The following CFAP97 variants were observed in gnomAD, a reference collection of about 807,000 sequenced individuals.
The protein encoded by CFAP97 is cilia- and flagella-associated protein 97.
In CFAP97, 36 loss-of-function variants were observed where a neutral mutation model predicts 43.1. The observed-to-expected ratio is 0.84, with a 90% confidence interval of 0.64 to 1.10. The LOEUF (loss-of-function observed/expected upper bound fraction) is 1.10. Among genes scored for constraint, CFAP97 ranks in the 50% least tolerant of loss-of-function variants. The pLI, the probability that CFAP97 is intolerant of heterozygous loss-of-function variation, is 0.00. For synonymous variants in CFAP97, 228 were observed against 225.7 expected, an observed-to-expected ratio of 1.01 and a Z score of -0.09; for missense variants, 657 against 620.3, an observed-to-expected ratio of 1.06 and a Z score of -0.63.
At chr4:185,189,095 G>A (rs1436430108) in intron 2 of CFAP97, among the ~76,000 whole-genome samples, 1 of 152,152 alleles carries the variant, frequency 6.6e-6, no homozygotes, top group African/African-American at 2.4e-5. Context: ...ATATTAGCCA[G>A]GTGTGGTGGG....
chr4:185,180,263 G>A (rs1400331461), intron 2 of CFAP97, among the ~76,000 whole-genome samples: 2 of 151,856 alleles, frequency 1.3e-5, no homozygotes, highest in African/African-American at 4.8e-5. Context: ...TTTTATTGTG[G>A]CAAAATACAC....
intron 2 of CFAP97, among the ~76,000 whole-genome samples, chr4:185,179,640 A>T (rs571030038): frequency 2.0e-5 from 3 of 152,286 alleles, no homozygotes; most frequent in Admixed American, 2.0e-4. Context: ...TACCAAGCCC[A>T]GGCACCTGAT....
rs774401336 is a variant in CFAP97, at chr4:185,190,550, A to T, written c.647T>A (p.Leu216His). 7 of 1,613,772 alleles carry T rather than the reference A, an allele frequency of 4.3e-6. No individual in the cohort carries two copies. ...TTTATACTTGTGTTTTGGTGACAGGAGGGTTATACCAGATACATGTTTCTT... is the reference window on the plus strand; with the variant it reads ...TTTATACTTGTGTTTTGGTGACAGGTGGGTTATACCAGATACATGTTTCTT... ...SSKKHVSGIT[L>H]LSPKHKYKSG... Residue 216 changes from leucine to histidine, a missense_variant, in exon 2 of 5, where the codon CTC becomes CAC. Transcript: ENST00000458385.
intron 1 of CFAP97, among the ~76,000 whole-genome samples, chr4:185,195,122 C>G (rs573746441): frequency 4.6e-5 from 7 of 152,088 alleles, no homozygotes; most frequent in African/African-American, 7.2e-5. Flanking sequence ...AATAAAATGT[C>G]GTGTAAGCAC....
upstream of CFAP97, among the ~76,000 whole-genome samples, chr4:185,208,430 TAAGA>T (rs1257282511): frequency 6.6e-6 from 1 of 152,044 alleles, no homozygotes. Flanking sequence ...TTAGAAGGTT[TAAGA>T]AAGAATGAAA....
intron 1 of CFAP97, among the ~76,000 whole-genome samples, chr4:185,191,734 G>C (rs1736266548): frequency 6.6e-6 from 1 of 152,138 alleles, no homozygotes; most frequent in East Asian, 1.9e-4. Flanking sequence ...GGAAGCTGAA[G>C]CAGGAGAATT....
chr4:185,197,648 G>A (rs1037064192), intron 1 of CFAP97, among the ~76,000 whole-genome samples: 1 of 152,128 alleles, frequency 6.6e-6, no homozygotes, highest in Non-Finnish European at 1.5e-5. Context: ...GGATGGTCTT[G>A]ATCTCCTGAC....
At position 185,162,043 on chromosome 4, in the gene CFAP97, C is replaced by T. The variant is rs1734891708; in HGVS notation, c.*755G>A. On this transcript the variant is annotated 3_prime_UTR_variant, in exon 5 of 5. Transcript: ENST00000458385. ...CTTAAACTATTCACGAGTTAGAAGA[C>T]TAGCTCTAAAACCTACCTCATTTCT... 1 of 152,184 alleles carries T rather than the reference C, an allele frequency of 6.6e-6. No individual in the cohort carries two copies. Among genetic ancestry groups the T allele is most frequent in the Non-Finnish European group, 1.5e-5 (1 of 68,030 alleles). The allele number at this position is 152,184 out of a possible 1,614,324, so 9.4% of individuals were successfully genotyped here. A position where few individuals can be genotyped will look rare whatever the true frequency, so the allele number is the denominator to read the frequency against.
intron 1 of CFAP97, among the ~76,000 whole-genome samples, chr4:185,201,321 G>A (rs1314066893): frequency 6.4e-5 from 3 of 46,858 alleles, no homozygotes; most frequent in Non-Finnish European, 1.1e-4. Flanking sequence ...GCAAGACTCC[G>A]CCTCAAAAAA....
rs1350579468 is a variant in CFAP97 at position 185,190,970 on chromosome 4, G to A, written c.227C>T (p.Pro76Leu). 1 of 1,613,632 alleles carries A rather than the reference G, an allele frequency of 6.2e-7. No individual in the cohort carries two copies. The highest frequency in any genetic ancestry group is 8.5e-7 in the Non-Finnish European group (1 of 1,179,772). The change falls in exon 2 of 5, where the codon CCC becomes CTC. Residue 76 changes from proline to leucine, a missense_variant. By Grantham distance (98) the Pro-to-Leu change is moderately conservative. Coordinates refer to ENST00000458385, the MANE Select transcript of CFAP97 (RefSeq NM_020827.3). ...ATCATTCTCTACGGGGTGTTCTGGG[G>A]GAAATTTCACGTTTCTTTCATTTCC... ...EKGNERNVKF[P>L]PEHPVENDVT... is the part of the protein sequence containing the mutation.
chr4:185,206,894 A>C (rs1001983383), upstream of CFAP97, among the ~76,000 whole-genome samples: 4 of 152,164 alleles, frequency 2.6e-5, no homozygotes, highest in Non-Finnish European at 5.9e-5. Context: ...ATAGGATGGC[A>C]TAACTCTGAG....
chr4:185,164,430 C>A (rs905147527), intron 3 of CFAP97, among the ~76,000 whole-genome samples: 1 of 152,154 alleles, frequency 6.6e-6, no homozygotes, highest in Non-Finnish European at 1.5e-5. Flanking sequence ...TCTCGACATA[C>A]CATGTGAAAA....
chr4:185,197,708 G>T (rs1467927687), intron 1 of CFAP97, among the ~76,000 whole-genome samples: 1 of 152,146 alleles, frequency 6.6e-6, no homozygotes, highest in African/African-American at 2.4e-5. Flanking sequence ...TTACAGGTGT[G>T]AGCCACCGCG....
Position 185,164,149 on chromosome 4 carries a change from G to C in CFAP97, c.1351C>G (p.Pro451Ala), listed in dbSNP as rs1734979754. ...ALLKRLEAVK[P>A]TVGMKRSEQL... ...TCTGAACGTTTCATACCAACTGTTG[G>C]TTTCACGGCCTCAAGCCTTTTCAAT... Residue 451 changes from proline to alanine, a missense_variant, in exon 4 of 5, where the codon CCA becomes GCA. Physicochemically the swap from Pro to Ala is conservative, Grantham distance 27. Transcript: ENST00000458385. 1 of 1,613,928 alleles carries C rather than the reference G, an allele frequency of 6.2e-7. No individual in the cohort carries two copies. Among genetic ancestry groups the C allele is most frequent in the Non-Finnish European group, 8.5e-7 (1 of 1,179,864 alleles).
At chr4:185,192,758 T>TTTA (rs376440116) in intron 1 of CFAP97, among the ~76,000 whole-genome samples, 10 of 128,232 alleles carry the variant, frequency 7.8e-5, no homozygotes, top group East Asian at 2.3e-4. Flanking sequence ...TTTTTTTTTT[T>TTTA]GAGACGGAGT....
intron 2 of CFAP97, among the ~76,000 whole-genome samples, chr4:185,180,988 AT>A (rs1295536473): frequency 2.0e-5 from 3 of 152,138 alleles, no homozygotes; most frequent in Non-Finnish European, 4.4e-5. Flanking sequence ...TAATAAACCA[AT>A]TATATGTGAA....
At chr4:185,168,295 A>C (rs953266138) in intron 3 of CFAP97, among the ~76,000 whole-genome samples, 2 of 7,954 alleles carry the variant, frequency 2.5e-4, no homozygotes, top group Non-Finnish European at 6.8e-4. Context: ...GAGTTTGCCC[A>C]CTTTTTTTTT....
At chr4:185,163,626 G>A (rs1392630029) in intron 4 of CFAP97, among the ~76,000 whole-genome samples, 1 of 151,692 alleles carries the variant, frequency 6.6e-6, no homozygotes, top group Non-Finnish European at 1.5e-5. Context: ...GCTAATTTTT[G>A]TTTTAGTTAT....
rs1250063006 is a variant in CFAP97 at position 185,200,484 on chromosome 4, A to C, written c.-17+3414T>G. On this transcript the variant is annotated intron_variant, in intron 1 of 4. Transcript: ENST00000458385. ...GTGAATCTCCGTCTCTACTAAAAAT[A>C]CAAAAATTAGCTAGGTGTGGTAGCA... Among the ~76,000 whole-genome samples, 3 of 152,258 alleles carry C rather than the reference A, an allele frequency of 2.0e-5. No homozygotes were observed. The South Asian group carries it at 6.2e-4, about 31-fold the overall frequency.
Sources: allele counts gnomAD v4.1 joint callset (sites outside exome capture counted in the v4.1 genomes callset), GRCh38; gene constraint gnomAD v4.1.1; transcripts MANE v1.5; gene names NCBI Gene and HGNC (gene_info 2026-07-23, HGNC 2026-07-21).